DPP6: variants seen among roughly 807,000 people sequenced by gnomAD.
DPP6 encodes the protein A-type potassium channel modulatory protein DPP6.
Under a neutral mutation model 122.6 loss-of-function variants are expected in DPP6, and 69 were observed. That is an observed-to-expected ratio of 0.56 (90% CI 0.46 to 0.69). DPP6 has a LOEUF of 0.69. DPP6 is among the 30% of genes least tolerant of loss of function. DPP6 has a pLI of 0.00. For synonymous variants in DPP6, 418 were observed against 433.1 expected (o/e 0.97, Z 0.43); for missense variants, 928 against 1,116.9 (o/e 0.83, Z 2.41).
chr7:154,287,574 C>T (rs952512720), intron 1 of DPP6, among the ~76,000 whole-genome samples: 2 of 152,304 alleles, frequency 1.3e-5, no homozygotes, highest in Admixed American at 6.5e-5. Context: ...AAAAACAGAT[C>T]AACAGGGGAG....
upstream of DPP6, among the ~76,000 whole-genome samples, chr7:154,050,708 C>T (rs993236528): frequency 2.0e-5 from 3 of 151,160 alleles, no homozygotes; most frequent in African/African-American, 7.3e-5. Flanking sequence ...CTCTCCCCAC[C>T]CCAGACCCAC....
At chr7:154,714,613 G>C (rs1279609885) in intron 7 of DPP6, among the ~76,000 whole-genome samples, 1 of 152,048 alleles carries the variant, frequency 6.6e-6, no homozygotes, top group East Asian at 1.9e-4. Flanking sequence ...AGAACTGGAT[G>C]GGGGAAACTG....
intron 1 of DPP6, among the ~76,000 whole-genome samples, chr7:154,135,104 C>A (rs1310010983): frequency 6.6e-6 from 1 of 152,062 alleles, no homozygotes; most frequent in African/African-American, 2.4e-5. Context: ...CTCCTGTGAG[C>A]CCACACTTCC....
intron 1 of DPP6, among the ~76,000 whole-genome samples, chr7:154,105,398 C>G (rs1388444075): frequency 6.6e-6 from 1 of 152,232 alleles, no homozygotes; most frequent in African/African-American, 2.4e-5. Context: ...ACTGCGGAGC[C>G]TGTGTCTGAT....
chr7:154,170,288 A>G (rs1265989676), intron 1 of DPP6, among the ~76,000 whole-genome samples: 1 of 152,140 alleles, frequency 6.6e-6, no homozygotes, highest in African/African-American at 2.4e-5. Context: ...AGGTCTTTCC[A>G]GGCCCTACCT....
chr7:154,773,320 G>A (rs926096165), intron 10 of DPP6, among the ~76,000 whole-genome samples: 1 of 152,146 alleles, frequency 6.6e-6, no homozygotes, highest in African/African-American at 2.4e-5. Context: ...ATTTTTTAGA[G>A]CATGGAGCAA....
intron 1 of DPP6, among the ~76,000 whole-genome samples, chr7:154,085,472 A>G (rs1041103788): frequency 9.2e-5 from 14 of 152,200 alleles, no homozygotes; most frequent in Admixed American, 2.0e-4. Context: ...TTTAATGTCT[A>G]TTATTTTCAG....
chr7:154,709,806 A>T (rs1161024234), intron 7 of DPP6, among the ~76,000 whole-genome samples: 1 of 152,120 alleles, frequency 6.6e-6, no homozygotes, highest in African/African-American at 2.4e-5. Flanking sequence ...TAGTAATTTT[A>T]CTTCAGAAAA....
At chr7:154,081,258 T>C (rs1803984172) in intron 1 of DPP6, among the ~76,000 whole-genome samples, 1 of 150,252 alleles carries the variant, frequency 6.7e-6, no homozygotes, top group Non-Finnish European at 1.5e-5. Flanking sequence ...TGGTAGCAGT[T>C]TGAAGCATTG....
At position 154,661,868 on chromosome 7, in the gene DPP6, A is replaced by G. The variant is rs1204943044; in HGVS notation, c.681-7492A>G. Among the ~76,000 whole-genome samples the G allele has an allele frequency of 3.3e-5, 5 of 151,038 alleles. 1 individual carries two copies. Among genetic ancestry groups the G allele is most frequent in the African/African-American group, 1.2e-4 (5 of 40,758 alleles). On this transcript the variant is annotated intron_variant, in intron 6 of 25. Transcript: ENST00000377770. ...GGCATATTGGCCATAGTGTTCATAT[A>G]GTCATGGTGAATCACCATGGCATAT...
At chr7:154,408,366 G>C (rs1351695411) in intron 1 of DPP6, among the ~76,000 whole-genome samples, 1 of 152,110 alleles carries the variant, frequency 6.6e-6, no homozygotes, top group Non-Finnish European at 1.5e-5. Context: ...TTAAATTCAA[G>C]TTAGAAAAGT....
intron 1 of DPP6, among the ~76,000 whole-genome samples, chr7:153,887,973 G>A (rs1330092403): frequency 6.6e-6 from 1 of 152,232 alleles, no homozygotes; most frequent in Non-Finnish European, 1.5e-5. Context: ...TCTCCTTCGG[G>A]CATGTGGCTT....
chr7:153,909,320 G>A (rs1031773943), intron 1 of DPP6, among the ~76,000 whole-genome samples: 1 of 152,088 alleles, frequency 6.6e-6, no homozygotes, highest in Non-Finnish European at 1.5e-5. Flanking sequence ...CAGGGGCTGG[G>A]CATTGTTGTA....
intron 1 of DPP6, among the ~76,000 whole-genome samples, chr7:154,270,967 A>G (rs140892009): frequency 6.6e-6 from 1 of 152,158 alleles, no homozygotes; most frequent in Non-Finnish European, 1.5e-5. Context: ...TTCTAAAAGC[A>G]AGGTTGTTTA....
chr7:154,607,407 A>G (rs1164114142), intron 5 of DPP6, among the ~76,000 whole-genome samples: 1 of 115,958 alleles, frequency 8.6e-6, no homozygotes, highest in Non-Finnish European at 1.9e-5. Flanking sequence ...TAAAAATACA[A>G]AAAATTAGCT....
At chr7:154,621,506 T>G (rs567494828) in intron 5 of DPP6, among the ~76,000 whole-genome samples, 3 of 152,064 alleles carry the variant, frequency 2.0e-5, no homozygotes, top group Non-Finnish European at 4.4e-5. Context: ...GTAGCTGGGA[T>G]TACAGGCTCA....
chr7:154,086,298 AAAG>A (rs1382942967), intron 1 of DPP6, among the ~76,000 whole-genome samples: 1 of 147,368 alleles, frequency 6.8e-6, no homozygotes, highest in Admixed American at 6.9e-5. Flanking sequence ...CACTGTAACT[AAAG>A]AAGGAGGAAA....
At chr7:154,136,557 A>G (rs896041413) in intron 1 of DPP6, among the ~76,000 whole-genome samples, 2 of 152,232 alleles carry the variant, frequency 1.3e-5, no homozygotes, top group African/African-American at 2.4e-5. Flanking sequence ...TTTCAGACAC[A>G]CATCACTTGC....
intron 3 of DPP6, among the ~76,000 whole-genome samples, chr7:154,508,057 A>C (rs1024140131): frequency 6.6e-6 from 1 of 152,196 alleles, no homozygotes. Flanking sequence ...TTGCTTTGTA[A>C]GCAAAGAACA....
Sources: allele counts gnomAD v4.1 joint callset (sites outside exome capture counted in the v4.1 genomes callset), GRCh38; gene constraint gnomAD v4.1.1; transcripts MANE v1.5; gene names NCBI Gene and HGNC (gene_info 2026-07-23, HGNC 2026-07-21).